The following EXOC2 variants were observed in gnomAD, a reference collection of about 807,000 sequenced individuals.
EXOC2 encodes exocyst complex component 2.
Under a neutral mutation model 131.8 loss-of-function variants are expected in EXOC2, and 70 were observed. The observed-to-expected ratio is 0.53, with a 90% CI of 0.44 to 0.65. The LOEUF is 0.65. EXOC2 is among the 30% of genes least tolerant of loss of function. The pLI, the probability that EXOC2 is intolerant of heterozygous loss-of-function variation, is 0.00. For missense variants in EXOC2, 923 were observed against 1,108.6 expected, an observed-to-expected ratio of 0.83 and a Z score of 2.38; for synonymous variants, 411 against 398.4, an observed-to-expected ratio of 1.03 and a Z score of -0.38.
intron 4 of EXOC2, among the ~76,000 whole-genome samples, chr6:621,841 G>T (rs957241388): frequency 1.3e-5 from 2 of 152,200 alleles, no homozygotes; most frequent in Non-Finnish European, 2.9e-5. Context: ...CTTCATGCTG[G>T]TTCTCATACT....
chr6:581,306 A>C (rs1758888899), intron 11 of EXOC2, among the ~76,000 whole-genome samples: 1 of 152,136 alleles, frequency 6.6e-6, no homozygotes, highest in Non-Finnish European at 1.5e-5. Context: ...AAAAAAAAAA[A>C]AAAAAAGTAA....
In EXOC2 at chr6:497,796, A is replaced by C. The variant is rs12207708; in HGVS notation, c.2437-307T>G. Among the ~76,000 whole-genome samples the C allele has an allele frequency of 7.0e-3, 1,060 of 152,350 alleles. 4 individuals carry two copies. The highest frequency in any genetic ancestry group is 0.041 in the Middle Eastern group (12 of 294). On this transcript the variant is annotated intron_variant, in intron 24 of 27. Coordinates refer to ENST00000230449, the MANE Select transcript of EXOC2 (RefSeq NM_018303.6). ...GCCTCTTGCCCCTTTCACTGGAAAG[A>C]AACATCTCTAAAGAAGAAATTAGAG...
rs1393686693 is a variant in EXOC2, at chr6:575,196, G to A, written c.1318+1561C>T. The stretch of plus-strand genomic sequence containing the variant: ...TCTAGTTGTTTCACCCATTGCCCGT[G>A]TGCCCCGAGAACACTCTTGTCTCTA... On this transcript the variant is annotated intron_variant, in intron 12 of 27. Transcript: ENST00000230449. 4.6e-5 allele frequency among the ~76,000 whole-genome samples: 7 copies of A among 152,244 alleles called. 1 individual carries two copies. Among genetic ancestry groups the A allele is most frequent in the East Asian group, 1.9e-4 (1 of 5,188 alleles).
intron 1 of EXOC2, chr6:669,518 A>T (rs544532149): frequency 1.3e-5 from 2 of 152,404 alleles, no homozygotes; most frequent in East Asian, 1.9e-4. Context: ...GGTGAGGCAG[A>T]AGACTGGCAG....
chr6:555,021 G>A (rs936089986), intron 20 of EXOC2, among the ~76,000 whole-genome samples: 10 of 152,096 alleles, frequency 6.6e-5, no homozygotes, highest in African/African-American at 2.4e-4. Flanking sequence ...CAATTTGCTT[G>A]ATTTGTCTCT....
At chr6:502,390 G>A (rs1451200118) in intron 23 of EXOC2, among the ~76,000 whole-genome samples, 1 of 152,076 alleles carries the variant, frequency 6.6e-6, no homozygotes, top group Non-Finnish European at 1.5e-5. Context: ...AAAGAGTGGG[G>A]GCAGAGTGCT....
In EXOC2 at chr6:685,790, C is replaced by T. The variant is rs140937458; in HGVS notation, c.-44+7229G>A. Among the ~76,000 whole-genome samples, 95 of 151,370 alleles carry T rather than the reference C, an allele frequency of 6.3e-4. 1 individual carries two copies. In the East Asian group the frequency reaches 0.017, roughly 28 times the overall value. On this transcript the variant is annotated intron_variant, in intron 1 of 27. Coordinates refer to ENST00000230449, the MANE Select transcript of EXOC2 (RefSeq NM_018303.6). ...TACGGCCTGATAAGGGCAGAAGACTCGCTGGGTCTCAGAAGGGCCATTTGC... is the reference window on the plus strand; with the variant it reads ...TACGGCCTGATAAGGGCAGAAGACTTGCTGGGTCTCAGAAGGGCCATTTGC...
chr6:504,156 T>C (rs942928880), intron 23 of EXOC2, among the ~76,000 whole-genome samples: 6 of 151,468 alleles, frequency 4.0e-5, no homozygotes, highest in Admixed American at 1.3e-4. Context: ...GCAGCCAGGG[T>C]AAAGGCATGC....
intron 11 of EXOC2, among the ~76,000 whole-genome samples, chr6:582,051 A>G (rs1248737539): frequency 6.6e-6 from 1 of 152,232 alleles, no homozygotes; most frequent in Admixed American, 6.5e-5. Context: ...TCACTTCACT[A>G]GAAGTGTAGA....
intron 23 of EXOC2, among the ~76,000 whole-genome samples, chr6:505,835 C>A (rs578223753): frequency 1.5e-3 from 224 of 152,298 alleles, no homozygotes; most frequent in Middle Eastern, 3.4e-3. Context: ...CAAAAATATC[C>A]GTGAATGACA....
chr6:493,132 A>G (rs1277453126), intron 25 of EXOC2, among the ~76,000 whole-genome samples: 3 of 152,224 alleles, frequency 2.0e-5, no homozygotes, highest in East Asian at 1.9e-4. Flanking sequence ...ACATAAAACA[A>G]TGACAAAAGA....
At chr6:582,277 G>A (rs1758949800) in intron 11 of EXOC2, among the ~76,000 whole-genome samples, 1 of 151,742 alleles carries the variant, frequency 6.6e-6, no homozygotes, top group African/African-American at 2.4e-5. Flanking sequence ...CACAAAAAGG[G>A]CAGAAGAGAC....
At chr6:677,872 A>G (rs754241324) in intron 1 of EXOC2, among the ~76,000 whole-genome samples, 1 of 151,946 alleles carries the variant, frequency 6.6e-6, no homozygotes, top group Non-Finnish European at 1.5e-5. Context: ...TCCACAACCA[A>G]TAACTATCAC....
rs182161543 is a variant in EXOC2 at position 593,946 on chromosome 6, G to C, written c.1074-1359C>G. Reference sequence around the variant, plus strand: ...AGAACACTGACATTCCCAGCTGATGGGGAGGGACTGGGTGCTGTGGGGAGC... The same window carrying C: ...AGAACACTGACATTCCCAGCTGATGCGGAGGGACTGGGTGCTGTGGGGAGC... On this transcript the variant is annotated intron_variant, in intron 10 of 27. Coordinates refer to ENST00000230449, the MANE Select transcript of EXOC2 (RefSeq NM_018303.6). Among the ~76,000 whole-genome samples, 296 of 152,336 alleles carry C rather than the reference G, an allele frequency of 1.9e-3. 1 individual carries two copies. Among genetic ancestry groups the C allele is most frequent in the African/African-American group, 6.9e-3 (286 of 41,592 alleles).
At chr6:548,734 GGA>G in intron 22 of EXOC2, among the ~76,000 whole-genome samples, 1 of 152,344 alleles carries the variant, frequency 6.6e-6, no homozygotes, top group East Asian at 1.9e-4. Flanking sequence ...ATACAGAAAG[GGA>G]GAGAGGAAGG....
chr6:569,136 G>A (rs753650972), intron 13 of EXOC2, among the ~76,000 whole-genome samples: 46 of 152,286 alleles, frequency 3.0e-4, no homozygotes, highest in Admixed American at 5.9e-4. Context: ...ATTGAGTTAT[G>A]TAACTTTTTA....
intron 1 of EXOC2, among the ~76,000 whole-genome samples, chr6:642,091 G>A (rs548279506): frequency 6.9e-4 from 105 of 152,066 alleles, no homozygotes; most frequent in African/African-American, 2.5e-3. Flanking sequence ...CACCTCTTAC[G>A]AACCTGCCAC....
chr6:625,226 A>G (rs529322096), intron 4 of EXOC2, among the ~76,000 whole-genome samples: 15 of 152,192 alleles, frequency 9.9e-5, no homozygotes, highest in African/African-American at 3.6e-4. Flanking sequence ...CAGTATGAGG[A>G]CTCTCTGCAG....
At chr6:616,520 G>A (rs1052738464) in intron 6 of EXOC2, among the ~76,000 whole-genome samples, 3 of 146,046 alleles carry the variant, frequency 2.1e-5, no homozygotes, top group East Asian at 2.2e-4. Flanking sequence ...GGAGAATGGC[G>A]TGAACCCGGG....
Sources: gnomAD v4.1 joint callset for allele counts (sites outside exome capture counted in the v4.1 genomes callset) on GRCh38, gnomAD v4.1.1 for gene constraint, MANE v1.5 for transcripts, NCBI Gene and HGNC (gene_info 2026-07-23, HGNC 2026-07-21) for gene names.